TRIM22: variants seen among roughly 807,000 people sequenced by gnomAD.
TRIM22 encodes tripartite motif containing 22, also known as E3 ubiquitin-protein ligase TRIM22.
TRIM22 carries 45 observed loss-of-function variants against 53.6 expected under a neutral mutation model. The ratio of observed to expected loss-of-function variants is 0.84; its 90% CI spans 0.66 to 1.08. The LOEUF (loss-of-function observed/expected upper bound fraction) is 1.08, where lower values mean the gene tolerates loss of function less well. Among genes scored for constraint, TRIM22 ranks in the 50% least tolerant of loss-of-function variants. The pLI, the probability that TRIM22 is intolerant of heterozygous loss-of-function variation, is 0.00. For synonymous variants in TRIM22, 225 were observed against 216.6 expected, an observed-to-expected ratio of 1.04 and a Z score of -0.34; for missense variants, 616 against 590.9, an observed-to-expected ratio of 1.04 and a Z score of -0.44.
At chr11:5,697,586 T>C in intron 3 of TRIM22, 2 of 420,492 alleles carry the variant, frequency 4.8e-6, no homozygotes, top group Admixed American at 3.9e-5. Flanking sequence ...AAACGCTTCC[T>C]GTGAATCCTG....
At position 5,698,506 on chromosome 11, in the gene TRIM22, C is replaced by G. The variant is rs376156323; in HGVS notation, c.711C>G (p.Leu237=). 34 of 1,613,792 alleles carry G rather than the reference C, an allele frequency of 2.1e-5. No homozygotes were observed. The African/African-American group carries it at 4.3e-4, about 20-fold the overall frequency. ...ATGCCAGCACGCTCATCTCAGATCT[C>G]CAGCGGAGGTTGAGGGGATCGTCAG... ...RQDASTLISD[L]QRRLRGSSVE... Residue 237 remains leucine (L), a synonymous_variant, in exon 4 of 8, where the codon CTC becomes CTG. Coordinates refer to ENST00000379965, the MANE Select transcript of TRIM22 (RefSeq NM_006074.5).
chr11:5,689,943 GAA>G (rs1853147971), intron 1 of TRIM22, 44 bp downstream of exon 1: 2 of 152,314 alleles, frequency 1.3e-5, no homozygotes, highest in Non-Finnish European at 2.9e-5. Flanking sequence ...GAGGCTTTGA[GAA>G]GAATAGATTG....
At chr11:5,708,910 C>T in intron 7 of TRIM22, 143 bp from the exon 8 acceptor site, 1 of 698,100 alleles carries the variant, frequency 1.4e-6, no homozygotes, top group Non-Finnish European at 2.4e-6. Flanking sequence ...CCCTGTATTT[C>T]TTAAGGGTCC....
chr11:5,694,147 G>A (rs1350581929), intron 1 of TRIM22, among the ~76,000 whole-genome samples: 3 of 152,198 alleles, frequency 2.0e-5, no homozygotes, highest in Non-Finnish European at 4.4e-5. Flanking sequence ...TTTCAAATAA[G>A]AGCACATTCA....
chr11:5,701,752 C>T (rs1335852751), intron 4 of TRIM22, among the ~76,000 whole-genome samples: 1 of 152,078 alleles, frequency 6.6e-6, no homozygotes, highest in Non-Finnish European at 1.5e-5. Flanking sequence ...AATAGGGAAG[C>T]GTGGAACAGA....
In TRIM22 at chr11:5,699,506, G is replaced by GGGC. The variant is rs1002296520; in HGVS notation, c.750+963_750+965dup. Among the ~76,000 whole-genome samples the GGGC allele has an allele frequency of 2.3e-4, 22 of 96,940 alleles. 1 individual carries two copies. The highest frequency in any genetic ancestry group is 7.2e-5 in the Non-Finnish European group (4 of 55,486). The allele number at this position is 96,940 out of a possible 152,430, so 63.6% of individuals were successfully genotyped here. A position where few individuals can be genotyped will look rare whatever the true frequency, so the allele number is the denominator to read the frequency against. On this transcript the variant is annotated intron_variant, in intron 4 of 7. Transcript: ENST00000379965. ...GCCACTGCAGTCCGCAGTCCGGCCT[G>GGGC]GGCGACAGAGCGAGACTCCGTCTCA...
chr11:5,697,213 C>T, intron 2 of TRIM22, 35 bp from the exon 3 acceptor site: 4 of 1,526,186 alleles, frequency 2.6e-6, no homozygotes, highest in South Asian at 2.4e-5. Flanking sequence ...TGAGAAAGCT[C>T]ATAACTTTAC....
chr11:5,698,674 G>A, intron 4 of TRIM22, 129 bp downstream of exon 4: 3 of 735,270 alleles, frequency 4.1e-6, no homozygotes, highest in Non-Finnish European at 6.8e-6. Context: ...GGCCCGGCAT[G>A]CCCCTTTTAT....
intron 1 of TRIM22, among the ~76,000 whole-genome samples, chr11:5,691,674 C>T (rs1418324967): frequency 6.6e-6 from 1 of 152,234 alleles, no homozygotes; most frequent in African/African-American, 2.4e-5. Context: ...ACCTTTTCAT[C>T]ATGAGTTACC....
rs1329668251 is a variant in TRIM22 at position 5,707,675 on chromosome 11, G to GTACAAAAAA, written c.774-498_774-497insTACAAAAAA. On this transcript the variant is annotated intron_variant, in intron 5 of 7. Transcript: ENST00000379965. ...AAGTACAAAAAAATTAGCTGGATGT[G>GTACAAAAAA]GTAGCAGGCACCTGTAATCCCAGCT... Among the ~76,000 whole-genome samples, 3 of 151,992 alleles carry GTACAAAAAA rather than the reference G, an allele frequency of 2.0e-5. No homozygotes were observed. In the East Asian group the frequency reaches 5.8e-4, roughly 29 times the overall value.
chr11:5,695,427 C>A (rs1042868417), intron 1 of TRIM22, among the ~76,000 whole-genome samples: 1 of 151,956 alleles, frequency 6.6e-6, no homozygotes, highest in Admixed American at 6.6e-5. Flanking sequence ...AGGAGATAAA[C>A]CTTAACAGTA....
intron 1 of TRIM22, among the ~76,000 whole-genome samples, chr11:5,693,181 C>T (rs1322557727): frequency 7.5e-6 from 1 of 134,056 alleles, no homozygotes; most frequent in East Asian, 2.2e-4. Flanking sequence ...GCCACAGCGC[C>T]TGGCCATCTT....
At chr11:5,697,418 C>G in intron 3 of TRIM22, 75 bp downstream of exon 3, 1 of 1,034,012 alleles carries the variant, frequency 9.7e-7, no homozygotes, top group Non-Finnish European at 1.4e-6. Flanking sequence ...ACAAGGAGAC[C>G]CCTTCCTCTT....
chr11:5,691,595 A>T (rs1853172871), intron 1 of TRIM22, among the ~76,000 whole-genome samples: 1 of 152,172 alleles, frequency 6.6e-6, no homozygotes, highest in Non-Finnish European at 1.5e-5. Context: ...CTCCTCCCTC[A>T]ACTTCTGTAG....
chr11:5,709,125 C>T lies in TRIM22; in HGVS notation c.974C>T (p.Thr325Ile). 4 of 1,614,192 alleles carry T rather than the reference C, an allele frequency of 2.5e-6. No individual in the cohort carries two copies. Among genetic ancestry groups the T allele is most frequent in the Non-Finnish European group, 3.4e-6 (4 of 1,180,022 alleles). Residue 325 changes from threonine (T) to isoleucine (I), a missense_variant, in exon 8 of 8, where the codon ACT becomes ATT. Transcript: ENST00000379965. ...AISVDQRQVK[T>I]VRTCTFKNSN... is the part of the protein sequence containing the mutation. ...TCTGTGGATCAGAGACAAGTGAAAA[C>T]TGTACGCACCTGCACATTTAAGAAT...
chr11:5,709,026 C>G, intron 7 of TRIM22, 27 bp from the exon 8 acceptor site: 1 of 1,562,598 alleles, frequency 6.4e-7, no homozygotes, highest in Non-Finnish European at 8.8e-7. Context: ...CCATATCCTT[C>G]ACTTGACTTG....
At chr11:5,693,098 G>A (rs1225390448) in intron 1 of TRIM22, among the ~76,000 whole-genome samples, 4 of 151,186 alleles carry the variant, frequency 2.6e-5, no homozygotes, top group African/African-American at 9.7e-5. Context: ...TAGTGGCCAG[G>A]CTGGCCTCAA....
rs1853310926 is a variant in TRIM22, at chr11:5,698,523, G to A, written c.728G>A (p.Gly243Glu). The A allele has an allele frequency of 5.6e-6, 9 of 1,613,510 alleles. No individual in the cohort carries two copies. The highest frequency in any genetic ancestry group is 7.6e-6 in the Non-Finnish European group (9 of 1,179,610). ...TCAGATCTCCAGCGGAGGTTGAGGG[G>A]ATCGTCAGTAGAGATGCTGCAGGTA... ...LISDLQRRLR[G>E]SSVEMLQDVI... Residue 243 changes from glycine (G) to glutamate (E), a missense_variant, in exon 4 of 8, where the codon GGA (glycine) becomes GAA (glutamate). By Grantham distance (98) the Gly-to-Glu change is moderately conservative. Coordinates refer to ENST00000379965, the MANE Select transcript of TRIM22 (RefSeq NM_006074.5).
At chr11:5,695,926 T>C (rs948456456) in intron 1 of TRIM22, among the ~76,000 whole-genome samples, 1 of 152,184 alleles carries the variant, frequency 6.6e-6, no homozygotes, top group African/African-American at 2.4e-5. Flanking sequence ...TCCTCTCCAG[T>C]AGAAGAGAAA....
Sources: gnomAD v4.1 joint callset for allele counts (sites outside exome capture counted in the v4.1 genomes callset) on GRCh38, gnomAD v4.1.1 for gene constraint, MANE v1.5 for transcripts, NCBI Gene and HGNC (gene_info 2026-07-23, HGNC 2026-07-21) for gene names.